The following PDGFRL variants were observed in gnomAD, a reference collection of about 807,000 sequenced individuals.
PDGFRL encodes platelet derived growth factor receptor like, also known as platelet-derived growth factor receptor-like protein.
PDGFRL carries 46 observed loss-of-function variants against 37.2 expected under a neutral mutation model. The observed-to-expected ratio is 1.24, with a 90% CI of 0.98 to 1.58. PDGFRL has a LOEUF of 1.58. Among genes scored for constraint, PDGFRL ranks in the 40% most tolerant of loss-of-function variants. PDGFRL has a pLI of 0.00. For synonymous variants in PDGFRL, 251 were observed against 184.3 expected, an observed-to-expected ratio of 1.36 and a Z score of -2.93; for missense variants, 692 against 467.6, an observed-to-expected ratio of 1.48 and a Z score of -4.43.
intron 3 of PDGFRL, among the ~76,000 whole-genome samples, chr8:17,627,154 G>T (rs2237837): frequency 0.14 from 21,937 of 152,042 alleles, 1,818 homozygotes; most frequent in Admixed American, 0.22. Context: ...TGTGGCTGTG[G>T]GGCTGATTTC....
intron 2 of PDGFRL, among the ~76,000 whole-genome samples, chr8:17,594,087 T>C (rs1804000337): frequency 6.6e-6 from 1 of 151,652 alleles, no homozygotes; most frequent in Non-Finnish European, 1.5e-5. Flanking sequence ...TTGACAACTC[T>C]AGGTACCCCA....
intron 1 of PDGFRL, among the ~76,000 whole-genome samples, chr8:17,588,261 A>G (rs1206524128): frequency 1.3e-5 from 2 of 152,202 alleles, no homozygotes; most frequent in African/African-American, 2.4e-5. Flanking sequence ...TGTAAGCTTC[A>G]GATTAGTATA....
intron 3 of PDGFRL, among the ~76,000 whole-genome samples, chr8:17,621,906 C>G (rs952862548): frequency 2.0e-5 from 3 of 152,158 alleles, no homozygotes; most frequent in African/African-American, 7.2e-5. Flanking sequence ...CTCCTGAACT[C>G]AAGCTATCCT....
Position 17,627,615 on chromosome 8 carries a change from G to A in PDGFRL, c.506-872G>A, listed in dbSNP as rs28456029. Among the ~76,000 whole-genome samples, 417 of 151,158 alleles carry A rather than the reference G, an allele frequency of 2.8e-3. 2 individuals carry two copies. The highest frequency in any genetic ancestry group is 9.3e-3 in the African/African-American group (379 of 40,940). ...CTCCCATGTAGCTGGGACTACAGGC[G>A]CGCACCACCACACTCAGCTAATTTT... On this transcript the variant is annotated intron_variant, in intron 3 of 5. Transcript: ENST00000251630.
chr8:17,579,556 GTTATTA>G (rs3988349), intron 1 of PDGFRL, among the ~76,000 whole-genome samples: 19,114 of 119,432 alleles, frequency 0.16, 1,359 homozygotes, highest in African/African-American at 0.21. Flanking sequence ...TATTATTATT[GTTATTA>G]TTATTATTAT....
chr8:17,631,651 C>A (rs1430909485), intron 4 of PDGFRL, among the ~76,000 whole-genome samples: 1 of 152,154 alleles, frequency 6.6e-6, no homozygotes, highest in East Asian at 1.9e-4. Flanking sequence ...ATCTGGCCTT[C>A]TCCCTTGACT....
At chr8:17,603,059 T>G (rs1445194190) in intron 2 of PDGFRL, among the ~76,000 whole-genome samples, 1 of 152,232 alleles carries the variant, frequency 6.6e-6, no homozygotes, top group East Asian at 1.9e-4. Context: ...CTCAGCTTAC[T>G]GCAACCTCTG....
At chr8:17,639,058 AAAAC>A (rs1407907429) in intron 5 of PDGFRL, among the ~76,000 whole-genome samples, 3 of 151,764 alleles carry the variant, frequency 2.0e-5, no homozygotes, top group Non-Finnish European at 2.9e-5. Context: ...CAAACAAAAC[AAAAC>A]AAACAAAAAG....
chr8:17,628,803 A>G, intron 4 of PDGFRL, 23 bp downstream of exon 4: 3 of 1,571,950 alleles, frequency 1.9e-6, no homozygotes, highest in Non-Finnish European at 2.6e-6. Context: ...ACCCCTGCCT[A>G]GATTCTAGTT....
intron 2 of PDGFRL, among the ~76,000 whole-genome samples, chr8:17,609,928 C>G (rs964666198): frequency 6.6e-6 from 1 of 152,164 alleles, no homozygotes; most frequent in Non-Finnish European, 1.5e-5. Context: ...GATTTACCAT[C>G]AAAGTGGCAT....
At chr8:17,625,777 C>T (rs1804721850) in intron 3 of PDGFRL, among the ~76,000 whole-genome samples, 1 of 152,122 alleles carries the variant, frequency 6.6e-6, no homozygotes, top group Admixed American at 6.5e-5. Context: ...CTGCTTGAGT[C>T]CAGGAGTTTG....
chr8:17,580,880 C>T (rs1301578919), intron 1 of PDGFRL, among the ~76,000 whole-genome samples: 2 of 152,002 alleles, frequency 1.3e-5, no homozygotes, highest in Admixed American at 1.3e-4. Context: ...TAGCTTGTGG[C>T]CACATCACTC....
At chr8:17,582,086 G>A (rs1803719507) in intron 1 of PDGFRL, among the ~76,000 whole-genome samples, 1 of 152,186 alleles carries the variant, frequency 6.6e-6, no homozygotes, top group African/African-American at 2.4e-5. Context: ...TAAAGTTCAT[G>A]CTGACAAGGT....
intron 5 of PDGFRL, among the ~76,000 whole-genome samples, chr8:17,635,106 C>T (rs542996778): frequency 2.0e-5 from 3 of 152,236 alleles, no homozygotes; most frequent in Non-Finnish European, 4.4e-5. Context: ...CTCCTGGGGT[C>T]CTTCAGAGTG....
chr8:17,582,158 C>T (rs1439864249), intron 1 of PDGFRL, among the ~76,000 whole-genome samples: 1 of 152,126 alleles, frequency 6.6e-6, no homozygotes, highest in Non-Finnish European at 1.5e-5. Flanking sequence ...TAGGCCTTAG[C>T]AAAGAACTTG....
intron 4 of PDGFRL, among the ~76,000 whole-genome samples, chr8:17,632,260 C>G (rs113641924): frequency 9.3e-4 from 141 of 152,324 alleles, no homozygotes; most frequent in African/African-American, 3.3e-3. Flanking sequence ...AGCATTGTCT[C>G]TGCCCTAGAC....
chr8:17,621,703 A>C (rs974039572), intron 3 of PDGFRL, among the ~76,000 whole-genome samples: 2 of 152,214 alleles, frequency 1.3e-5, no homozygotes, highest in Admixed American at 1.3e-4. Flanking sequence ...CATTCCCTTT[A>C]TCACAGAAAG....
intron 2 of PDGFRL, among the ~76,000 whole-genome samples, chr8:17,613,707 G>T (rs1403964046): frequency 1.3e-5 from 2 of 152,116 alleles, no homozygotes; most frequent in African/African-American, 4.8e-5. Context: ...GGAAGCCCCT[G>T]TCTCTACAGA....
intron 2 of PDGFRL, among the ~76,000 whole-genome samples, chr8:17,599,120 C>T (rs1312287088): frequency 6.6e-6 from 1 of 152,094 alleles, no homozygotes; most frequent in African/African-American, 2.4e-5. Context: ...ACCTTTATGT[C>T]TTTACTTCTC....
Sources: allele counts gnomAD v4.1 joint callset (sites outside exome capture counted in the v4.1 genomes callset), GRCh38; gene constraint gnomAD v4.1.1; transcripts MANE v1.5; gene names NCBI Gene and HGNC (gene_info 2026-07-23, HGNC 2026-07-21).